HECW1: variants seen among roughly 807,000 people sequenced by gnomAD.
The protein encoded by HECW1 is HECT, C2 and WW domain containing E3 ubiquitin protein ligase 1, also known as E3 ubiquitin-protein ligase HECW1.
HECW1 carries 61 observed loss-of-function variants against 182.3 expected under a neutral mutation model. That is an observed-to-expected ratio of 0.33 (90% CI 0.27 to 0.41). The LOEUF (loss-of-function observed/expected upper bound fraction) is 0.41. Among genes scored for constraint, HECW1 ranks in the 10% least tolerant of loss-of-function variants. The pLI, the probability that HECW1 is intolerant of heterozygous loss-of-function variation, is 1.00. For missense variants in HECW1, 1,739 were observed against 2,108.9 expected (o/e 0.82, Z 3.44); for synonymous variants, 859 against 832.6 (o/e 1.03, Z -0.55).
At chr7:43,183,999 A>G (rs1490390192) in intron 2 of HECW1, among the ~76,000 whole-genome samples, 1 of 151,830 alleles carries the variant, frequency 6.6e-6, no homozygotes, top group Admixed American at 6.6e-5. Context: ...AGCATTTGCC[A>G]ATTCTTTTAT....
chr7:43,359,649 G>C (rs1815621291), intron 5 of HECW1, among the ~76,000 whole-genome samples: 2 of 152,092 alleles, frequency 1.3e-5, no homozygotes, highest in Non-Finnish European at 1.5e-5. Context: ...AATCTCAGAA[G>C]ATTGTTATTT....
intron 2 of HECW1, among the ~76,000 whole-genome samples, chr7:43,167,300 C>G (rs770097755): frequency 3.3e-5 from 5 of 152,190 alleles, no homozygotes; most frequent in Admixed American, 6.5e-5. Flanking sequence ...TCCCCTATGT[C>G]TCTGTGTCTT....
At chr7:43,475,327 G>A (rs2152903993) in intron 16 of HECW1, among the ~76,000 whole-genome samples, 1 of 152,122 alleles carries the variant, frequency 6.6e-6, no homozygotes, top group East Asian at 1.9e-4. Flanking sequence ...ACAATTGTAA[G>A]AACAAAATCT....
chr7:43,147,353 T>A (rs1788832022), intron 2 of HECW1: 1 of 152,230 alleles, frequency 6.6e-6, no homozygotes, highest in African/African-American at 2.4e-5. Context: ...AGAGTGCATT[T>A]TGCCCTTTGC....
intron 15 of HECW1, among the ~76,000 whole-genome samples, chr7:43,467,589 T>C (rs115576122): frequency 0.025 from 3,750 of 151,984 alleles, 160 homozygotes; most frequent in African/African-American, 0.085. Flanking sequence ...TGGCAGAGTG[T>C]CGGGGAGAGA....
intron 2 of HECW1, among the ~76,000 whole-genome samples, chr7:43,240,831 C>T (rs1798812172): frequency 6.6e-6 from 1 of 152,130 alleles, no homozygotes; most frequent in Non-Finnish European, 1.5e-5. Flanking sequence ...AAGAAGTGGC[C>T]TCAGGCAGGG....
intron 6 of HECW1, among the ~76,000 whole-genome samples, chr7:43,390,233 A>G (rs1226847260): frequency 1.3e-5 from 2 of 152,038 alleles, no homozygotes; most frequent in Admixed American, 6.6e-5. Flanking sequence ...TGGCTTGGTG[A>G]TGGTGGCATC....
chr7:43,194,572 C>T (rs1200982825), intron 2 of HECW1: 1 of 152,218 alleles, frequency 6.6e-6, no homozygotes, highest in Non-Finnish European at 1.5e-5. Flanking sequence ...AAATCAGAGA[C>T]AAGGACCTTC....
intron 3 of HECW1, among the ~76,000 whole-genome samples, chr7:43,304,458 AGTT>A (rs1285114287): frequency 6.9e-6 from 1 of 145,122 alleles, no homozygotes; most frequent in Non-Finnish European, 1.5e-5. Flanking sequence ...CATTCAACAC[AGTT>A]ATTTATTTAT....
At position 43,507,111 on chromosome 7, in the gene HECW1, T is replaced by C. The variant is rs1197672062; in HGVS notation, c.3632-26T>C. On this transcript the variant is annotated intron_variant, in intron 21 of 29. Transcript: ENST00000395891. ...AGAAGAAGAAGAAGAAAGAAAGTGATGACCTCTGTGTGCTTCTCTCTGCAG... is the reference window on the plus strand; with the variant it reads ...AGAAGAAGAAGAAGAAAGAAAGTGACGACCTCTGTGTGCTTCTCTCTGCAG... 8.8e-6 allele frequency: 14 copies of C among 1,596,024 alleles called. No homozygotes were observed. The Admixed American group carries it at 9.1e-5, about 10-fold the overall frequency.
intron 2 of HECW1, among the ~76,000 whole-genome samples, chr7:43,202,195 C>T (rs1795070804): frequency 6.6e-6 from 1 of 152,118 alleles, no homozygotes; most frequent in Admixed American, 6.5e-5. Context: ...AGTGGCAGAG[C>T]CAGAATTTGA....
At chr7:43,541,307 G>C (rs372452404) in intron 25 of HECW1, 46 bp downstream of exon 25, 124 of 1,441,830 alleles carry the variant, frequency 8.6e-5, no homozygotes, top group Non-Finnish European at 1.1e-4. Context: ...CTGTCTGCAG[G>C]GCAAGGACAC....
intron 19 of HECW1, among the ~76,000 whole-genome samples, chr7:43,494,538 C>G (rs1405416720): frequency 2.0e-5 from 3 of 149,568 alleles, no homozygotes; most frequent in Non-Finnish European, 4.4e-5. Flanking sequence ...GAGTCTTGCT[C>G]TGTTGCCTGG....
At chr7:43,457,879 C>A (rs1040202072) in intron 13 of HECW1, among the ~76,000 whole-genome samples, 2 of 152,094 alleles carry the variant, frequency 1.3e-5, no homozygotes, top group Non-Finnish European at 2.9e-5. Context: ...ATCACCAGAA[C>A]ATTTTTTCAT....
At chr7:43,217,713 T>G (rs1162526352) in intron 2 of HECW1, among the ~76,000 whole-genome samples, 2 of 152,246 alleles carry the variant, frequency 1.3e-5, no homozygotes, top group African/African-American at 2.4e-5. Flanking sequence ...CTTTCTGAAC[T>G]GTATCCTATT....
intron 17 of HECW1, among the ~76,000 whole-genome samples, chr7:43,489,704 C>G (rs2078856293): frequency 6.6e-6 from 1 of 152,258 alleles, no homozygotes; most frequent in Non-Finnish European, 1.5e-5. Context: ...CTACCACACA[C>G]AGAGAGTGAA....
chr7:43,387,678 C>T (rs931401167), intron 6 of HECW1, among the ~76,000 whole-genome samples: 2 of 152,206 alleles, frequency 1.3e-5, no homozygotes, highest in Non-Finnish European at 2.9e-5. Flanking sequence ...ATTTATAACT[C>T]TTCTAAGCTG....
intron 4 of HECW1, among the ~76,000 whole-genome samples, chr7:43,319,114 G>A (rs578022630): frequency 1.3e-5 from 2 of 152,204 alleles, no homozygotes; most frequent in South Asian, 2.1e-4. Flanking sequence ...CGGGCCGGGC[G>A]CGGTGGCTCA....
At position 43,444,822 on chromosome 7, in the gene HECW1, C is replaced by T. The variant is rs763924846; in HGVS notation, c.1650C>T (p.Cys550=). ...TGGAGACGGTGATCGCGTCAGCCTGCGGGGACCCCGAGACCCCGCGGACAC... is the reference window on the plus strand; with the variant it reads ...TGGAGACGGTGATCGCGTCAGCCTGTGGGGACCCCGAGACCCCGCGGACAC... The part of the protein sequence containing the change: ...SELETVIASA[C]GDPETPRTHY... The change falls in exon 11 of 30, where the codon TGC becomes TGT. Residue 550 remains cysteine (C), a synonymous_variant. Coordinates refer to ENST00000395891, the MANE Select transcript of HECW1 (RefSeq NM_015052.5). This position sits in a 1 kb window ranked among gnomAD's most constrained non-coding sequence, Gnocchi z 4.3. The T allele has an allele frequency of 1.5e-5, 25 of 1,613,942 alleles. No homozygotes were observed. The highest frequency in any genetic ancestry group is 1.9e-5 in the Non-Finnish European group (22 of 1,180,008).
Sources: allele counts gnomAD v4.1 joint callset (sites outside exome capture counted in the v4.1 genomes callset), GRCh38; gene constraint gnomAD v4.1.1; non-coding constraint Gnocchi (gnomAD v3.1); transcripts MANE v1.5; gene names NCBI Gene and HGNC (gene_info 2026-07-23, HGNC 2026-07-21).